The following ADAMTS20 variants were observed in gnomAD, a reference collection of about 807,000 sequenced individuals.
The protein encoded by ADAMTS20 is A disintegrin and metalloproteinase with thrombospondin motifs 20.
Under a neutral mutation model 260.1 loss-of-function variants are expected in ADAMTS20, and 225 were observed. That is an observed-to-expected ratio of 0.87 (90% CI 0.78 to 0.97). The LOEUF (loss-of-function observed/expected upper bound fraction) is 0.97, where lower values mean the gene tolerates loss of function less well. Among genes scored for constraint, ADAMTS20 ranks in the 50% least tolerant of loss-of-function variants. The pLI is 0.00. For missense variants in ADAMTS20, 2,400 were observed against 2,337.7 expected, an observed-to-expected ratio of 1.03 and a Z score of -0.55; for synonymous variants, 802 against 769.5, an observed-to-expected ratio of 1.04 and a Z score of -0.70.
chr12:43,451,872 G>A (rs990312338), intron 14 of ADAMTS20, among the ~76,000 whole-genome samples: 1 of 152,046 alleles, frequency 6.6e-6, no homozygotes, highest in African/African-American at 2.4e-5. Flanking sequence ...ACAGAGAGCT[G>A]GAAAGAGGAA....
chr12:43,455,341 G>T (rs1407413120), intron 11 of ADAMTS20, among the ~76,000 whole-genome samples: 1 of 152,176 alleles, frequency 6.6e-6, no homozygotes, highest in African/African-American at 2.4e-5. Context: ...ACAGGTCTGA[G>T]ATCTGGGAAA....
Position 43,432,258 on chromosome 12 carries a change from C to T in ADAMTS20, c.3096+46G>A, listed in dbSNP as rs746211306. ...TAAAGTCTTAGATTACAAAGCTTTA[C>T]TAACACAATATTTTAATAGTTCCAA... On this transcript the variant is annotated intron_variant, in intron 21 of 38. Coordinates refer to ENST00000389420, the MANE Select transcript of ADAMTS20 (RefSeq NM_025003.5). 3.2e-6 allele frequency: 5 copies of T among 1,566,424 alleles called. No homozygotes were observed. The South Asian group carries it at 3.5e-5, about 11-fold the overall frequency.
chr12:43,353,010 G>A (rs1457865006), downstream of ADAMTS20, among the ~76,000 whole-genome samples: 1 of 152,010 alleles, frequency 6.6e-6, no homozygotes, highest in Non-Finnish European at 1.5e-5. Context: ...AAAACACTTT[G>A]TGGGTAAAAA....
intron 2 of ADAMTS20, among the ~76,000 whole-genome samples, chr12:43,540,168 C>G (rs1054554187): frequency 6.6e-6 from 1 of 152,206 alleles, no homozygotes; most frequent in African/African-American, 2.4e-5. Context: ...CCATGCCCGG[C>G]CAACCACAGA....
chr12:43,437,890 G>A (rs1387145581), intron 18 of ADAMTS20, among the ~76,000 whole-genome samples: 1 of 151,964 alleles, frequency 6.6e-6, no homozygotes, highest in Non-Finnish European at 1.5e-5. Flanking sequence ...GGCCACAGTA[G>A]CCAAAGGTAA....
intron 28 of ADAMTS20, among the ~76,000 whole-genome samples, chr12:43,411,567 T>C (rs891886563): frequency 2.0e-5 from 3 of 151,958 alleles, no homozygotes; most frequent in African/African-American, 7.3e-5. Flanking sequence ...AGGGTTTCAC[T>C]ATGTTGACCA....
At chr12:43,429,913 GA>G (rs2137304159) in intron 23 of ADAMTS20, among the ~76,000 whole-genome samples, 189 bp from the exon 24 acceptor site, 1 of 152,294 alleles carries the variant, frequency 6.6e-6, no homozygotes, top group South Asian at 2.1e-4. Flanking sequence ...GATAATGACT[GA>G]ATCCTAAAGT....
At chr12:43,474,100 A>T (rs1460680937) in intron 7 of ADAMTS20, among the ~76,000 whole-genome samples, 1 of 151,850 alleles carries the variant, frequency 6.6e-6, no homozygotes, top group Admixed American at 6.6e-5. Flanking sequence ...AGCAAGACTA[A>T]TAAAGAAAAA....
In ADAMTS20 at chr12:43,431,583, G is replaced by C. The variant is rs1436102040; in HGVS notation, c.3097-87C>G. ...TGATGCAATGATCAATTTGCATATA[G>C]AAATACAGTTGAAAAACCATTCCCA... is the stretch of plus-strand genomic sequence containing the variant. On this transcript the variant is annotated intron_variant, in intron 21 of 38. Transcript: ENST00000389420. The C allele has an allele frequency of 8.9e-6, 13 of 1,468,650 alleles. No homozygotes were observed. In the East Asian group the frequency reaches 3.0e-4, roughly 34 times the overall value. The allele number at this position is 1,468,650 out of a possible 1,614,324, so 91.0% of individuals were successfully genotyped here. A position where few individuals can be genotyped will look rare whatever the true frequency, so the allele number is the denominator to read the frequency against.
chr12:43,380,867 T>C (rs537850907), intron 31 of ADAMTS20, among the ~76,000 whole-genome samples: 7 of 152,200 alleles, frequency 4.6e-5, no homozygotes, highest in South Asian at 2.1e-4. Context: ...GGCTCTTACA[T>C]AGAACTTGAC....
At chr12:43,471,964 C>A (rs1275868018) in intron 7 of ADAMTS20, among the ~76,000 whole-genome samples, 2 of 150,686 alleles carry the variant, frequency 1.3e-5, no homozygotes, top group East Asian at 2.0e-4. Flanking sequence ...TCCTCACCAG[C>A]AACGGAACAA....
At chr12:43,523,259 G>C (rs978349307) in intron 3 of ADAMTS20, among the ~76,000 whole-genome samples, 1 of 152,216 alleles carries the variant, frequency 6.6e-6, no homozygotes, top group Non-Finnish European at 1.5e-5. Flanking sequence ...ATAAAAGTAG[G>C]AGAGGGAGTG....
At chr12:43,531,923 A>T in intron 3 of ADAMTS20, 113 bp downstream of exon 3, 1 of 760,832 alleles carries the variant, frequency 1.3e-6, no homozygotes, top group Non-Finnish European at 1.8e-6. Context: ...GAATTTAAAA[A>T]ATTAATTAAA....
In ADAMTS20 at chr12:43,481,970, C is replaced by T. The variant is rs576621794; in HGVS notation, c.1117+8425G>A. ...AGGGTGAATTGGGGAGAGCCTGCCACCGTGACACACACTCCCACTGGGAAG... is the reference window on the plus strand; with the variant it reads ...AGGGTGAATTGGGGAGAGCCTGCCATCGTGACACACACTCCCACTGGGAAG... On this transcript the variant is annotated intron_variant, in intron 7 of 38. Transcript: ENST00000389420. Among the ~76,000 whole-genome samples the T allele has an allele frequency of 7.9e-5, 12 of 152,196 alleles. No individual in the cohort carries two copies. In the South Asian group the frequency reaches 2.1e-3, roughly 26 times the overall value.
At chr12:43,500,278 C>T (rs944614217) in intron 4 of ADAMTS20, among the ~76,000 whole-genome samples, 1 of 152,186 alleles carries the variant, frequency 6.6e-6, no homozygotes, top group Non-Finnish European at 1.5e-5. Context: ...ATCTGCATGC[C>T]TCGGCCTCTC....
At chr12:43,365,196 T>A (rs1357686894) in intron 37 of ADAMTS20, among the ~76,000 whole-genome samples, 4 of 152,044 alleles carry the variant, frequency 2.6e-5, no homozygotes, top group African/African-American at 9.7e-5. Flanking sequence ...AAGACACTCC[T>A]AGATAAACAA....
chr12:43,441,136 C>CTA (rs1941658847), intron 16 of ADAMTS20, among the ~76,000 whole-genome samples: 1 of 151,830 alleles, frequency 6.6e-6, no homozygotes, highest in African/African-American at 2.4e-5. Flanking sequence ...ATGCCATTCT[C>CTA]TATACAAACG....
At chr12:43,468,735 A>G (rs1342642364) in intron 7 of ADAMTS20, 30 bp from the exon 8 acceptor site, 2 of 1,312,158 alleles carry the variant, frequency 1.5e-6, no homozygotes, top group East Asian at 2.3e-5. Context: ...TATTTCATCA[A>G]AATGGAAAAC....
In ADAMTS20 at chr12:43,369,322, C is replaced by T. The variant is rs1940055723; in HGVS notation, c.5506G>A (p.Gly1836Arg). ...FGNAVPFATA[G>R]DCYSAFRCPQ... is the part of the protein sequence containing the mutation. ...CATCTGAAAGCACTGTAGCAATCTC[C>T]AGCTGTGGCAAATGGAACTGCATTT... is the stretch of plus-strand genomic sequence containing the variant. Residue 1836 changes from glycine to arginine, a missense_variant, in exon 37 of 39, where the codon GGA (glycine) becomes AGA (arginine). Transcript: ENST00000389420. The T allele has an allele frequency of 2.6e-6, 4 of 1,557,892 alleles. No homozygotes were observed. The highest frequency in any genetic ancestry group is 4.8e-5 in the East Asian group (2 of 41,492).
Sources: gnomAD v4.1 joint callset for allele counts (sites outside exome capture counted in the v4.1 genomes callset) on GRCh38, gnomAD v4.1.1 for gene constraint, MANE v1.5 for transcripts, NCBI Gene and HGNC (gene_info 2026-07-23, HGNC 2026-07-21) for gene names.